Variants in ADAM22 observed in about 807,000 individuals in gnomAD.
ADAM22 encodes the protein disintegrin and metalloproteinase domain-containing protein 22.
A neutral mutation model predicts 144.6 loss-of-function variants in ADAM22; 65 were observed. The ratio of observed to expected loss-of-function variants is 0.45; its 90% CI spans 0.37 to 0.55. ADAM22 has a LOEUF of 0.55. Among genes scored for constraint, ADAM22 ranks in the 20% least tolerant of loss-of-function variants. ADAM22 has a pLI of 0.00. For missense variants in ADAM22, 974 were observed against 1,184.9 expected (o/e 0.82, Z 2.61); for synonymous variants, 391 against 412.6 (o/e 0.95, Z 0.63).
At chr7:88,092,253 C>A (rs747899297) in intron 4 of ADAM22, among the ~76,000 whole-genome samples, 14 of 152,220 alleles carry the variant, frequency 9.2e-5, no homozygotes, top group Non-Finnish European at 1.6e-4. Flanking sequence ...TTGATTGTAT[C>A]TCTGCCAAAG....
chr7:87,964,652 T>G, intron 2 of ADAM22: 1 of 431,000 alleles, frequency 2.3e-6, no homozygotes, highest in Non-Finnish European at 4.6e-6. Context: ...GTTTTTGAAG[T>G]CAGAATCCCA....
At chr7:87,994,793 A>G (rs1270562737) in intron 3 of ADAM22, among the ~76,000 whole-genome samples, 4 of 152,006 alleles carry the variant, frequency 2.6e-5, no homozygotes, top group Non-Finnish European at 5.9e-5. Flanking sequence ...TTCAATGCCC[A>G]TGTGGTGAAA....
At chr7:87,991,714 A>G (rs1405326552) in intron 3 of ADAM22, among the ~76,000 whole-genome samples, 1 of 152,230 alleles carries the variant, frequency 6.6e-6, no homozygotes, top group Non-Finnish European at 1.5e-5. Flanking sequence ...AATCAGTGAC[A>G]AGCATTTCAA....
chr7:87,984,242 A>C (rs528313856), intron 3 of ADAM22, among the ~76,000 whole-genome samples: 1 of 152,212 alleles, frequency 6.6e-6, no homozygotes, highest in South Asian at 2.1e-4. Context: ...CATTCCTGCC[A>C]CTGGTAGATC....
intron 2 of ADAM22, among the ~76,000 whole-genome samples, chr7:87,950,248 A>G (rs1261152158): frequency 6.7e-6 from 1 of 149,030 alleles, no homozygotes; most frequent in Non-Finnish European, 1.5e-5. Flanking sequence ...TTAACACGTC[A>G]TTTAGCATTA....
At chr7:88,035,397 C>T (rs1235155198) in intron 3 of ADAM22, among the ~76,000 whole-genome samples, 1 of 152,162 alleles carries the variant, frequency 6.6e-6, no homozygotes, top group Admixed American at 6.5e-5. Context: ...ACAGTGGAGC[C>T]TTCCCCCAAG....
At chr7:87,968,099 TG>T (rs764134153) in intron 2 of ADAM22, among the ~76,000 whole-genome samples, 47 of 152,328 alleles carry the variant, frequency 3.1e-4, no homozygotes, top group Middle Eastern at 3.4e-3. Context: ...TATTCAGTTT[TG>T]AAAGTTAAAC....
intron 2 of ADAM22, among the ~76,000 whole-genome samples, chr7:87,947,299 C>T (rs187987015): frequency 4.4e-4 from 67 of 151,300 alleles, no homozygotes; most frequent in Non-Finnish European, 9.3e-4. Flanking sequence ...GCTGGTTTAG[C>T]TGTAAATAGT....
intron 5 of ADAM22, among the ~76,000 whole-genome samples, chr7:88,110,018 A>G (rs1825594676): frequency 6.6e-6 from 1 of 152,204 alleles, no homozygotes; most frequent in Admixed American, 6.5e-5. Flanking sequence ...TAAGTTAAAT[A>G]ACCAGAGACA....
At chr7:88,090,797 A>T (rs1819645191) in intron 4 of ADAM22, among the ~76,000 whole-genome samples, 1 of 152,146 alleles carries the variant, frequency 6.6e-6, no homozygotes, top group Non-Finnish European at 1.5e-5. Flanking sequence ...CAATATTAAG[A>T]TCTTCTGATT....
chr7:88,075,726 G>A, intron 4 of ADAM22, 34 bp downstream of exon 4: 1 of 1,497,736 alleles, frequency 6.7e-7, no homozygotes, highest in Non-Finnish European at 9.3e-7. Flanking sequence ...GGGGAAATTT[G>A]TTGAGAATCT....
chr7:88,197,644 A>G lies in ADAM22; in HGVS notation c.*1153A>G, dbSNP rs1850823737. The G allele has an allele frequency of 6.6e-6, 1 of 152,250 alleles. No individual in the cohort carries two copies. The highest frequency in any genetic ancestry group is 1.5e-5 in the Non-Finnish European group (1 of 68,046). 9.4% of individuals were successfully genotyped at this position (152,250 alleles called of 1,614,324 possible). A position where few individuals can be genotyped will look rare whatever the true frequency, so the allele number is the denominator to read the frequency against. The stretch of plus-strand genomic sequence containing the variant: ...GTTTTGTTCCTTGGCAAAACTTTGT[A>G]GTCACCCTTATCTGTGAAATGAATG... On this transcript the variant is annotated 3_prime_UTR_variant, in exon 32 of 32. Coordinates refer to ENST00000413139, the MANE Select transcript of ADAM22 (RefSeq NM_001324418.2).
chr7:88,136,330 G>C (rs1321325246), intron 14 of ADAM22, among the ~76,000 whole-genome samples: 2 of 151,806 alleles, frequency 1.3e-5, no homozygotes, highest in African/African-American at 4.8e-5. Context: ...CTAATTAAAT[G>C]GTTTATAAAC....
chr7:88,055,517 G>C (rs924024867), intron 3 of ADAM22, among the ~76,000 whole-genome samples: 1 of 151,908 alleles, frequency 6.6e-6, no homozygotes, highest in Admixed American at 6.6e-5. Flanking sequence ...GAACGATCTC[G>C]GTCTGTAGAG....
chr7:88,073,391 A>G (rs932016525), intron 3 of ADAM22, among the ~76,000 whole-genome samples: 4 of 152,174 alleles, frequency 2.6e-5, no homozygotes, highest in Admixed American at 6.5e-5. Flanking sequence ...TACCATGCTG[A>G]GGGCAGAGCA....
intron 26 of ADAM22, among the ~76,000 whole-genome samples, chr7:88,174,120 G>A (rs975074671): frequency 2.0e-5 from 3 of 152,130 alleles, no homozygotes; most frequent in Non-Finnish European, 2.9e-5. Context: ...TCCTGGAGAG[G>A]ACAGGCAAGT....
At position 88,130,398 on chromosome 7, in the gene ADAM22, A is replaced by T. The variant is rs1831469038; in HGVS notation, c.764A>T (p.His255Leu). 1 of 1,612,554 alleles carries T rather than the reference A, an allele frequency of 6.2e-7. No individual in the cohort carries two copies. The highest frequency in any genetic ancestry group is 8.5e-7 in the Non-Finnish European group (1 of 1,179,156). Reference protein sequence around the residue: ...IVNDHLMFKKHRLSVVHTNTY... With the variant: ...IVNDHLMFKKLRLSVVHTNTY... Reference sequence around the variant, plus strand: ...TTCTTTTGCTTTCAGTTTAAAAAACATCGGCTTTCCGTTGTACATACCAAT... The same window carrying T: ...TTCTTTTGCTTTCAGTTTAAAAAACTTCGGCTTTCCGTTGTACATACCAAT... The change falls in exon 10 of 32, where the codon CAT becomes CTT. Residue 255 changes from histidine (H) to leucine (L), a missense_variant. This residue lies in a region of ADAM22 where 734 missense variants were observed against 950.6 expected (regional missense o/e 0.77). Coordinates refer to ENST00000413139, the MANE Select transcript of ADAM22 (RefSeq NM_001324418.2).
At chr7:88,083,133 A>G (rs1283027285) in intron 4 of ADAM22, among the ~76,000 whole-genome samples, 1 of 152,268 alleles carries the variant, frequency 6.6e-6, no homozygotes, top group South Asian at 2.1e-4. Flanking sequence ...TGTGGCACAC[A>G]TACATCATGG....
chr7:88,175,715 A>G (rs1845481997), intron 26 of ADAM22, among the ~76,000 whole-genome samples: 1 of 152,188 alleles, frequency 6.6e-6, no homozygotes, highest in African/African-American at 2.4e-5. Flanking sequence ...ATGAAATAAG[A>G]AAGCACTCAA....
Sources: gnomAD v4.1 joint callset for allele counts (sites outside exome capture counted in the v4.1 genomes callset) on GRCh38, gnomAD v4.1.1 for gene constraint, gnomAD v4.1.1 regional missense constraint, MANE v1.5 for transcripts, NCBI Gene and HGNC (gene_info 2026-07-23, HGNC 2026-07-21) for gene names.